The following ZC3HC1 variants were observed in gnomAD, a reference collection of about 807,000 sequenced individuals.
The protein encoded by ZC3HC1 is zinc finger C3HC-type containing 1.
Under a neutral mutation model 61.9 loss-of-function variants are expected in ZC3HC1, and 38 were observed. That is an observed-to-expected ratio of 0.61 (90% confidence interval 0.47 to 0.81). The LOEUF is 0.81. ZC3HC1 is among the 30% of genes least tolerant of loss of function. The pLI is 0.00. For missense variants in ZC3HC1, 554 were observed against 622.7 expected, an observed-to-expected ratio of 0.89 and a Z score of 1.17; for synonymous variants, 213 against 229.9, an observed-to-expected ratio of 0.93 and a Z score of 0.67.
intron 4 of ZC3HC1, among the ~76,000 whole-genome samples, chr7:130,032,229 A>G (rs1794231428): frequency 1.3e-5 from 2 of 152,014 alleles, no homozygotes; most frequent in Non-Finnish European, 2.9e-5. Context: ...CTCTAAAAAA[A>G]AAAAAAAAGT....
At chr7:130,048,017 T>C (rs534934128) in intron 2 of ZC3HC1, among the ~76,000 whole-genome samples, 86 of 152,148 alleles carry the variant, frequency 5.7e-4, no homozygotes, top group African/African-American at 1.8e-3. Context: ...AGGAACCAAG[T>C]GGGGAGGGAC....
chr7:130,032,618 C>A (rs1794246618), intron 4 of ZC3HC1, among the ~76,000 whole-genome samples: 1 of 146,494 alleles, frequency 6.8e-6, no homozygotes, highest in Non-Finnish European at 1.5e-5. Flanking sequence ...TGCACTGTAG[C>A]CTGGGAGAGA....
At chr7:130,021,262 C>G (rs1793632247) in intron 9 of ZC3HC1, among the ~76,000 whole-genome samples, 1 of 152,104 alleles carries the variant, frequency 6.6e-6, no homozygotes, top group Non-Finnish European at 1.5e-5. Context: ...TCCTGTAACC[C>G]TAGAAAACCA....
At chr7:130,050,512 A>AT in intron 1 of ZC3HC1, 1 of 1,474,032 alleles carries the variant, frequency 6.8e-7, no homozygotes, top group Non-Finnish European at 8.9e-7. Context: ...AATTCACAGC[A>AT]TCCATAAACT....
At chr7:130,050,414 C>A in intron 1 of ZC3HC1, 1 of 1,533,262 alleles carries the variant, frequency 6.5e-7, no homozygotes, top group Non-Finnish European at 8.7e-7. Flanking sequence ...ATTACATCAA[C>A]GATTATAGCT....
chr7:130,023,682 G>T lies in ZC3HC1; in HGVS notation c.1062C>A (p.Ser354Arg), dbSNP rs1428701770. 8 of 1,614,244 alleles carry T rather than the reference G, an allele frequency of 5.0e-6. No individual in the cohort carries two copies. Among genetic ancestry groups the T allele is most frequent in the Non-Finnish European group, 5.9e-6 (7 of 1,180,052 alleles). Residue 354 changes from serine to arginine, a missense_variant, in exon 8 of 10, where the codon AGC becomes AGA. Coordinates refer to ENST00000358303, the MANE Select transcript of ZC3HC1 (RefSeq NM_016478.5). The surrounding 1 kb of genome is among the most constrained non-coding windows in gnomAD (Gnocchi z 4.2). ...GGTCAACAGGACTGGAAGAGTCCCA[G>T]CTCCGAGTTCGAGAGACAATGGGAC... is the stretch of plus-strand genomic sequence containing the variant. ...SPGPIVSRTR[S>R]WDSSSPVDRP...
intron 4 of ZC3HC1, among the ~76,000 whole-genome samples, chr7:130,033,994 G>T (rs1300927910): frequency 1.3e-5 from 2 of 152,072 alleles, no homozygotes; most frequent in Non-Finnish European, 2.9e-5. Context: ...AACTGGAAAA[G>T]ATATTTTTTT....
chr7:130,043,811 T>C (rs1794768706), intron 2 of ZC3HC1: 1 of 454,174 alleles, frequency 2.2e-6, no homozygotes, highest in Non-Finnish European at 4.4e-6. Flanking sequence ...TGACGAGAGA[T>C]TCATGCAAGA....
In ZC3HC1 at chr7:130,023,713, C is replaced by A. The variant is rs770370324; in HGVS notation, c.1031G>T (p.Ser344Ile). Reference protein sequence around the residue: ...FSPGSEQAEKSPGPIVSRTRS... With the variant: ...FSPGSEQAEKIPGPIVSRTRS... ...AGTTCGAGAGACAATGGGACCAGGG[C>A]TCTTTTCAGCCTGAAGGAAAGGGGA... The change falls in exon 8 of 10, where the codon AGC becomes ATC. Residue 344 changes from serine to isoleucine, a missense_variant. Physicochemically the swap from Ser to Ile is moderately radical, Grantham distance 142. Coordinates refer to ENST00000358303, the MANE Select transcript of ZC3HC1 (RefSeq NM_016478.5). This position sits in a 1 kb window ranked among gnomAD's most constrained non-coding sequence, Gnocchi z 4.2. The A allele has an allele frequency of 1.2e-6, 2 of 1,613,758 alleles. No individual in the cohort carries two copies. The highest frequency in any genetic ancestry group is 1.7e-6 in the Non-Finnish European group (2 of 1,179,800).
chr7:130,043,914 C>A, intron 2 of ZC3HC1: 1 of 450,170 alleles, frequency 2.2e-6, no homozygotes, highest in African/African-American at 2.0e-5. Flanking sequence ...TTATGTTTCA[C>A]AGTGTTGAAT....
intron 4 of ZC3HC1, 98 bp from the exon 5 acceptor site, chr7:130,029,127 T>A: frequency 7.3e-7 from 1 of 1,363,216 alleles, no homozygotes; most frequent in South Asian, 1.4e-5. Context: ...TCCCAGCACT[T>A]TGGAAGGCCG....
chr7:130,028,162 T>C (rs1244132891), intron 5 of ZC3HC1, among the ~76,000 whole-genome samples: 1 of 44,974 alleles, frequency 2.2e-5, no homozygotes, highest in Non-Finnish European at 3.6e-5. Context: ...AGACTCTGTC[T>C]CAAAAAAAAA....
At chr7:130,033,955 T>G (rs1325421913) in intron 4 of ZC3HC1, among the ~76,000 whole-genome samples, 1 of 152,144 alleles carries the variant, frequency 6.6e-6, no homozygotes, top group Non-Finnish European at 1.5e-5. Context: ...GTGCTGCTGT[T>G]ACTACATTTG....
rs192536495 is a variant in ZC3HC1, at chr7:130,031,692, T to C, written c.494-2663A>G. 3.5e-3 allele frequency among the ~76,000 whole-genome samples: 540 copies of C among 152,302 alleles called. 7 individuals are homozygous for C. Among genetic ancestry groups the C allele is most frequent in the South Asian group, 0.028 (137 of 4,824 alleles). On this transcript the variant is annotated intron_variant, in intron 4 of 9. Coordinates refer to ENST00000358303, the MANE Select transcript of ZC3HC1 (RefSeq NM_016478.5). ...ATATTCCCTGGAATCTAGAAGGACATGTGCAGGTATAGAGCTATACACATG... is the reference window on the plus strand; with the variant it reads ...ATATTCCCTGGAATCTAGAAGGACACGTGCAGGTATAGAGCTATACACATG...
chr7:130,024,894 CTTTTTTTTTTTTTT>C (rs544256735), intron 6 of ZC3HC1, among the ~76,000 whole-genome samples: 6 of 37,056 alleles, frequency 1.6e-4, no homozygotes, highest in Non-Finnish European at 2.3e-4. Context: ...TCCTGTCCCT[CTTTTTTTTTTTTTT>C]TTTTTTTTTT....
chr7:130,040,497 C>CAAA (rs35982469), intron 3 of ZC3HC1, among the ~76,000 whole-genome samples: 16 of 44,066 alleles, frequency 3.6e-4, no homozygotes, highest in African/African-American at 4.6e-4. Context: ...GACTCCGTCT[C>CAAA]AAAAAAAAAA....
chr7:130,047,539 C>T (rs1372446495), intron 2 of ZC3HC1, among the ~76,000 whole-genome samples: 1 of 152,088 alleles, frequency 6.6e-6, no homozygotes, highest in East Asian at 1.9e-4. Flanking sequence ...GGTTTGGCGG[C>T]TCAGGCCTGT....
Position 130,018,389 on chromosome 7 carries a change from A to G in ZC3HC1, c.*275T>C. The G allele has an allele frequency of 2.8e-6, 1 of 361,144 alleles. No individual in the cohort carries two copies. Among genetic ancestry groups the G allele is most frequent in the East Asian group, 4.2e-5 (1 of 23,608 alleles). 22.4% of individuals were successfully genotyped at this position (361,144 alleles called of 1,614,324 possible). On this transcript the variant is annotated 3_prime_UTR_variant, in exon 10 of 10. Coordinates refer to ENST00000358303, the MANE Select transcript of ZC3HC1 (RefSeq NM_016478.5). ...ATTGAAGATGCTGAAATGGGTGGTCAGGTCCTTAGTCTTCCTTCTAGTCTG... is the reference window on the plus strand; with the variant it reads ...ATTGAAGATGCTGAAATGGGTGGTCGGGTCCTTAGTCTTCCTTCTAGTCTG...
chr7:130,042,667 G>C (rs1255792929), intron 2 of ZC3HC1, among the ~76,000 whole-genome samples: 1 of 152,058 alleles, frequency 6.6e-6, no homozygotes, highest in East Asian at 1.9e-4. Context: ...AATATTAAAT[G>C]CTCAGTTTTT....
Sources: gnomAD v4.1 joint callset for allele counts (sites outside exome capture counted in the v4.1 genomes callset) on GRCh38, gnomAD v4.1.1 for gene constraint, Gnocchi (gnomAD v3.1) non-coding constraint, MANE v1.5 for transcripts, NCBI Gene and HGNC (gene_info 2026-07-23, HGNC 2026-07-21) for gene names.